Variants in HS6ST3 observed in about 807,000 individuals in gnomAD.
HS6ST3 encodes the protein heparan-sulfate 6-O-sulfotransferase 3.
HS6ST3 carries 12 observed loss-of-function variants against 36.7 expected under a neutral mutation model. That is an observed-to-expected ratio of 0.33 (90% confidence interval 0.21 to 0.53). HS6ST3 has a LOEUF of 0.53. Among genes scored for constraint, HS6ST3 ranks in the 20% least tolerant of loss-of-function variants. The pLI is 0.95. For synonymous variants in HS6ST3, 240 were observed against 257.5 expected, an observed-to-expected ratio of 0.93 and a Z score of 0.65; for missense variants, 584 against 640.9, an observed-to-expected ratio of 0.91 and a Z score of 0.96.
At chr13:96,285,386 A>T (rs566360623) in intron 1 of HS6ST3, among the ~76,000 whole-genome samples, 1 of 152,332 alleles carries the variant, frequency 6.6e-6, no homozygotes, top group African/African-American at 2.4e-5. Context: ...TAAATTCACG[A>T]TACTAAGTTA....
chr13:96,525,719 A>G (rs906267625), intron 1 of HS6ST3, among the ~76,000 whole-genome samples: 6 of 152,250 alleles, frequency 3.9e-5, no homozygotes, highest in African/African-American at 1.4e-4. Flanking sequence ...AGTTTCTTTT[A>G]TAATGTACCT....
At chr13:96,282,258 A>T (rs944370020) in intron 1 of HS6ST3, among the ~76,000 whole-genome samples, 5 of 152,184 alleles carry the variant, frequency 3.3e-5, no homozygotes, top group Admixed American at 2.6e-4. Context: ...CCCATGAAAG[A>T]GAGAGAAGTC....
intron 1 of HS6ST3, among the ~76,000 whole-genome samples, chr13:96,146,751 A>G (rs1566893280): frequency 6.6e-6 from 1 of 152,208 alleles, no homozygotes; most frequent in Non-Finnish European, 1.5e-5. Flanking sequence ...TTGAGAATAC[A>G]TTTCTTGGAA....
intron 1 of HS6ST3, among the ~76,000 whole-genome samples, chr13:96,764,836 T>TC (rs1469703827): frequency 2.6e-5 from 4 of 152,176 alleles, no homozygotes; most frequent in Non-Finnish European, 5.9e-5. Context: ...TTGATCACTT[T>TC]CCCCTTGGAA....
chr13:96,385,354 C>T (rs576063184), intron 1 of HS6ST3, among the ~76,000 whole-genome samples: 3 of 152,254 alleles, frequency 2.0e-5, no homozygotes, highest in African/African-American at 7.2e-5. Context: ...ACCTCAATAA[C>T]ATTCCTGTGT....
intron 1 of HS6ST3, among the ~76,000 whole-genome samples, chr13:96,814,793 A>G (rs1878386621): frequency 6.6e-6 from 1 of 152,064 alleles, no homozygotes; most frequent in Non-Finnish European, 1.5e-5. Context: ...GTCATATATG[A>G]GTATAAATTA....
At chr13:96,577,005 T>G (rs1485943643) in intron 1 of HS6ST3, among the ~76,000 whole-genome samples, 2 of 144,514 alleles carry the variant, frequency 1.4e-5, no homozygotes, top group African/African-American at 5.2e-5. Flanking sequence ...AATGTATAGA[T>G]ATTTTTTCTT....
chr13:96,773,370 GC>G (rs1877313618), intron 1 of HS6ST3, among the ~76,000 whole-genome samples: 1 of 152,178 alleles, frequency 6.6e-6, no homozygotes, highest in Admixed American at 6.5e-5. Context: ...AAGTGGTCTA[GC>G]TCAGTGGGCC....
chr13:96,347,349 C>T (rs2055160901), intron 1 of HS6ST3, among the ~76,000 whole-genome samples: 1 of 152,288 alleles, frequency 6.6e-6, no homozygotes, highest in East Asian at 1.9e-4. Flanking sequence ...CCATTCATCC[C>T]AACCACTTTT....
intron 1 of HS6ST3, among the ~76,000 whole-genome samples, chr13:96,816,210 A>G (rs568051069): frequency 6.6e-6 from 1 of 152,338 alleles, no homozygotes; most frequent in South Asian, 2.1e-4. Context: ...CCAGACCTGA[A>G]AACAACAAAA....
At chr13:96,789,058 T>C (rs2138518957) in intron 1 of HS6ST3, among the ~76,000 whole-genome samples, 1 of 151,962 alleles carries the variant, frequency 6.6e-6, no homozygotes, top group African/African-American at 2.4e-5. Context: ...ATTTGTTTTT[T>C]TCTTGCTTGT....
intron 1 of HS6ST3, among the ~76,000 whole-genome samples, chr13:96,395,158 G>A (rs2055414617): frequency 6.6e-6 from 1 of 152,074 alleles, no homozygotes; most frequent in Non-Finnish European, 1.5e-5. Flanking sequence ...CCTTTTTCCA[G>A]CACTGAGCTG....
chr13:96,811,577 G>C (rs1314832359), intron 1 of HS6ST3, among the ~76,000 whole-genome samples: 1 of 152,076 alleles, frequency 6.6e-6, no homozygotes, highest in East Asian at 1.9e-4. Flanking sequence ...ACAGAATAGA[G>C]CATCCAGTGG....
intron 1 of HS6ST3, among the ~76,000 whole-genome samples, chr13:96,742,039 A>G (rs555591985): frequency 6.6e-6 from 1 of 152,278 alleles, no homozygotes; most frequent in South Asian, 2.1e-4. Flanking sequence ...TTAAAGTTAT[A>G]TGAACATCCC....
At chr13:96,647,973 A>G (rs2056594621) in intron 1 of HS6ST3, among the ~76,000 whole-genome samples, 1 of 151,940 alleles carries the variant, frequency 6.6e-6, no homozygotes, top group African/African-American at 2.4e-5. Flanking sequence ...TATCCTTGGG[A>G]GATTTTATCC....
At chr13:96,465,439 G>A (rs1233403930) in intron 1 of HS6ST3, among the ~76,000 whole-genome samples, 4 of 152,160 alleles carry the variant, frequency 2.6e-5, no homozygotes, top group Admixed American at 1.3e-4. Context: ...GACTTCCCAC[G>A]GATAAATCAT....
At chr13:96,185,695 T>G (rs904412449) in intron 1 of HS6ST3, among the ~76,000 whole-genome samples, 1 of 152,258 alleles carries the variant, frequency 6.6e-6, no homozygotes, top group Non-Finnish European at 1.5e-5. Context: ...AACATATACA[T>G]TCCACATCAT....
chr13:96,402,368 TAA>T (rs1405350954), intron 1 of HS6ST3, among the ~76,000 whole-genome samples: 2 of 152,230 alleles, frequency 1.3e-5, no homozygotes, highest in African/African-American at 4.8e-5. Flanking sequence ...GAATACTATA[TAA>T]GTTTTAACTA....
At chr13:96,231,642 T>A (rs577952045) in intron 1 of HS6ST3, among the ~76,000 whole-genome samples, 29 of 152,148 alleles carry the variant, frequency 1.9e-4, no homozygotes, top group African/African-American at 3.9e-4. Flanking sequence ...ACCTCTCACA[T>A]TGGGATTTAC....
Sources: allele counts gnomAD v4.1 joint callset (sites outside exome capture counted in the v4.1 genomes callset), GRCh38; gene constraint gnomAD v4.1.1; transcripts MANE v1.5; gene names NCBI Gene and HGNC (gene_info 2026-07-23, HGNC 2026-07-21).